NRXN1: variants seen among roughly 807,000 people sequenced by gnomAD.
NRXN1 encodes the protein neurexin-1.
Under a neutral mutation model 150.9 loss-of-function variants are expected in NRXN1, and 39 were observed. That is an observed-to-expected ratio of 0.26 (90% CI 0.20 to 0.34). The LOEUF (loss-of-function observed/expected upper bound fraction) is 0.34. NRXN1 is among the 10% of genes least tolerant of loss of function. The pLI is 1.00. For synonymous variants in NRXN1, 924 were observed against 757.0 expected (o/e 1.22, Z -3.62); for missense variants, 1,815 against 1,949.9 (o/e 0.93, Z 1.30).
intron 5 of NRXN1, among the ~76,000 whole-genome samples, chr2:50,865,672 T>TTTTTTG (rs1235958238): frequency 2.6e-4 from 35 of 135,514 alleles, no homozygotes; most frequent in Non-Finnish European, 4.8e-4. Flanking sequence ...TTTTTTTTTT[T>TTTTTTG]TTTTTTTTTT....
At chr2:50,295,675 T>C (rs781285962) in intron 17 of NRXN1, among the ~76,000 whole-genome samples, 5 of 152,204 alleles carry the variant, frequency 3.3e-5, no homozygotes, top group Non-Finnish European at 5.9e-5. Context: ...GAACCAGTCT[T>C]TTGGGACATT....
intron 5 of NRXN1, among the ~76,000 whole-genome samples, chr2:50,761,627 G>A (rs1701814548): frequency 6.6e-6 from 1 of 151,810 alleles, no homozygotes; most frequent in South Asian, 2.1e-4. Flanking sequence ...TTAATATTGA[G>A]TGTCAACTTG....
At chr2:50,269,949 A>G (rs530412084) in intron 17 of NRXN1, among the ~76,000 whole-genome samples, 119 of 152,284 alleles carry the variant, frequency 7.8e-4, no homozygotes, top group African/African-American at 2.9e-3. Flanking sequence ...TTGGACTTAC[A>G]AAAAGCACAT....
At chr2:50,742,623 A>AG (rs1349879437) in intron 5 of NRXN1, among the ~76,000 whole-genome samples, 1 of 151,312 alleles carries the variant, frequency 6.6e-6, no homozygotes, top group East Asian at 1.9e-4. Flanking sequence ...AAAAAAAAAA[A>AG]GAAAAAAGAA....
At chr2:50,515,395 G>C (rs967150971) in intron 12 of NRXN1, among the ~76,000 whole-genome samples, 1 of 152,112 alleles carries the variant, frequency 6.6e-6, no homozygotes, top group Non-Finnish European at 1.5e-5. Context: ...GATACATGTA[G>C]TGAAATTCAA....
At chr2:50,219,654 A>G (rs944600798) in intron 18 of NRXN1, among the ~76,000 whole-genome samples, 122 of 151,362 alleles carry the variant, frequency 8.1e-4, no homozygotes, top group African/African-American at 2.8e-3. Context: ...TGGGAGGCCA[A>G]GGCAGGAGGA....
At chr2:50,996,172 A>T (rs988833750) in intron 2 of NRXN1, among the ~76,000 whole-genome samples, 2 of 152,112 alleles carry the variant, frequency 1.3e-5, no homozygotes, top group Non-Finnish European at 2.9e-5. Flanking sequence ...AAAGATGTTA[A>T]ATGGGCAGTT....
rs1293519008 is a variant in NRXN1 at position 49,921,695 on chromosome 2, C to T, written c.*249G>A. Reference sequence around the variant, plus strand: ...AATGTTCCAGCAACATAAAGACAAGCAGAGTAAATGAAAACACTGTGGATG... The same window carrying T: ...AATGTTCCAGCAACATAAAGACAAGTAGAGTAAATGAAAACACTGTGGATG... On this transcript the variant is annotated 3_prime_UTR_variant, in exon 23 of 23. Coordinates refer to ENST00000401669, the MANE Select transcript of NRXN1 (RefSeq NM_001330078.2). The T allele has an allele frequency of 1.4e-5, 7 of 493,642 alleles. No individual in the cohort carries two copies. In the South Asian group the frequency reaches 1.5e-4, roughly 10 times the overall value. The allele number at this position is 493,642 out of a possible 1,614,324, so 30.6% of individuals were successfully genotyped here.
At chr2:50,706,107 C>A (rs999952089) in intron 5 of NRXN1, among the ~76,000 whole-genome samples, 3 of 152,162 alleles carry the variant, frequency 2.0e-5, no homozygotes, top group African/African-American at 4.8e-5. Context: ...ACATTGCTAT[C>A]ATGAGGTTCT....
At chr2:50,941,131 T>C (rs756097415) in intron 2 of NRXN1, among the ~76,000 whole-genome samples, 1 of 152,118 alleles carries the variant, frequency 6.6e-6, no homozygotes, top group Non-Finnish European at 1.5e-5. Context: ...TCTGCCATCA[T>C]GCAAGATATG....
chr2:50,639,202 T>TTTCTTTC (rs1553916392), intron 5 of NRXN1, among the ~76,000 whole-genome samples: 3 of 127,888 alleles, frequency 2.3e-5, no homozygotes, highest in African/African-American at 8.3e-5. Flanking sequence ...TTTATCATTT[T>TTTCTTTC]TTTCTTTCTT....
At chr2:50,848,729 C>G (rs1462439274) in intron 5 of NRXN1, among the ~76,000 whole-genome samples, 1 of 152,100 alleles carries the variant, frequency 6.6e-6, no homozygotes, top group East Asian at 1.9e-4. Flanking sequence ...GCTAATAGAA[C>G]AAATACACCA....
At chr2:50,242,352 T>G (rs534766552) in intron 17 of NRXN1, among the ~76,000 whole-genome samples, 1 of 151,902 alleles carries the variant, frequency 6.6e-6, no homozygotes, top group African/African-American at 2.4e-5. Context: ...AAAAAGAGTT[T>G]TAGATCAGGG....
intron 17 of NRXN1, among the ~76,000 whole-genome samples, chr2:50,257,109 A>G (rs1574781815): frequency 1.3e-5 from 2 of 152,130 alleles, no homozygotes; most frequent in Admixed American, 1.3e-4. Flanking sequence ...AGCTATTATT[A>G]TCTCCATTTT....
chr2:50,471,870 C>A (rs1353579599), intron 16 of NRXN1, among the ~76,000 whole-genome samples: 3 of 151,652 alleles, frequency 2.0e-5, no homozygotes, highest in African/African-American at 7.2e-5. Context: ...CACATGTACC[C>A]CCTGGACTTA....
Position 49,994,541 on chromosome 2 carries a change from C to T in NRXN1, c.4129-50750G>A, listed in dbSNP as rs113934233. ...AGGTTAGAGTATATTTAAACTACACCGGTAAGAGTTGTTGGGAAAAATACA... is the reference window on the plus strand; with the variant it reads ...AGGTTAGAGTATATTTAAACTACACTGGTAAGAGTTGTTGGGAAAAATACA... On this transcript the variant is annotated intron_variant, in intron 21 of 22. Coordinates refer to ENST00000401669, the MANE Select transcript of NRXN1 (RefSeq NM_001330078.2). Among the ~76,000 whole-genome samples the T allele has an allele frequency of 1.5e-3, 234 of 152,214 alleles. 1 individual carries two copies. The highest frequency in any genetic ancestry group is 5.4e-3 in the African/African-American group (223 of 41,522).
In NRXN1 at chr2:50,428,390, G is replaced by A. The variant is rs932037117; in HGVS notation, c.3364+37052C>T. Among the ~76,000 whole-genome samples, 16 of 152,274 alleles carry A rather than the reference G, an allele frequency of 1.1e-4. No individual in the cohort carries two copies. The East Asian group carries it at 3.1e-3, about 29-fold the overall frequency. ...TGATTGTACCACTGCACTCCAGCCT[G>A]GGCGACAGAGCGAAACCCTGTCTCA... On this transcript the variant is annotated intron_variant, in intron 17 of 22. Transcript: ENST00000401669.
chr2:50,436,593 A>G (rs909039238), intron 17 of NRXN1, among the ~76,000 whole-genome samples: 4 of 152,218 alleles, frequency 2.6e-5, no homozygotes, highest in Non-Finnish European at 5.9e-5. Context: ...AATCCCAGAT[A>G]GGTTTCAGGG....
intron 5 of NRXN1, among the ~76,000 whole-genome samples, chr2:50,701,090 T>C (rs759053662): frequency 5.3e-5 from 8 of 152,186 alleles, no homozygotes; most frequent in Non-Finnish European, 1.2e-4. Context: ...AATAACTACA[T>C]TAAAGTAGGC....
Sources: allele counts gnomAD v4.1 joint callset (sites outside exome capture counted in the v4.1 genomes callset), GRCh38; gene constraint gnomAD v4.1.1; transcripts MANE v1.5; gene names NCBI Gene and HGNC (gene_info 2026-07-23, HGNC 2026-07-21).